PEAK3: variants seen among roughly 807,000 people sequenced by gnomAD.
The protein encoded by PEAK3 is PEAK family member 3.
PEAK3 carries 15 observed loss-of-function variants against 13.3 expected under a neutral mutation model. The ratio of observed to expected loss-of-function variants is 1.13; its 90% CI spans 0.75 to 1.73. The LOEUF (loss-of-function observed/expected upper bound fraction) is 1.73, where lower values mean the gene tolerates loss of function less well. PEAK3 is among the 40% of genes most tolerant of loss of function. The probability of loss-of-function intolerance (pLI) is 0.00; values close to 1 mark genes in which losing one functional copy is unlikely to be tolerated. For missense variants in PEAK3, 739 were observed against 690.2 expected, an observed-to-expected ratio of 1.07 and a Z score of -0.79; for synonymous variants, 347 against 341.9, an observed-to-expected ratio of 1.01 and a Z score of -0.17.
Position 2,275,713 on chromosome 19 carries a change from C to G in PEAK3, c.1389G>C (p.Ser463=), listed in dbSNP as rs1815326588. 5 of 1,541,010 alleles carry G rather than the reference C, an allele frequency of 3.2e-6. No homozygotes were observed. The highest frequency in any genetic ancestry group is 4.4e-6 in the Non-Finnish European group (5 of 1,144,474). The change falls in exon 4 of 4, where the codon TCG becomes TCC. Residue 463 remains serine (S), a synonymous_variant. Coordinates refer to ENST00000342063, the MANE Select transcript of PEAK3 (RefSeq NM_198532.3). ...CEYLAEATES[S]MGQALALLWD ...ACAGCAGCGCCAGGGCCTGGCCCAT[C>G]GAGGACTCGGTGGCCTCGGCCAGGT...
intron 2 of PEAK3, 24 bp downstream of exon 2, chr19:2,280,826 A>C (rs759932346): frequency 6.3e-7 from 1 of 1,594,936 alleles, no homozygotes; most frequent in Non-Finnish European, 8.5e-7. Flanking sequence ...CCCGCAGCCC[A>C]GGGCTCCCTG....
intron 3 of PEAK3, among the ~76,000 whole-genome samples, chr19:2,277,978 T>G (rs909649768): frequency 6.8e-6 from 1 of 146,972 alleles, no homozygotes; most frequent in Non-Finnish European, 1.5e-5. Context: ...ATTCTCCTGC[T>G]TCAGCCTCCC....
chr19:2,281,865 G>A (rs950478417), intron 1 of PEAK3, among the ~76,000 whole-genome samples: 6 of 152,206 alleles, frequency 3.9e-5, no homozygotes, highest in African/African-American at 1.4e-4. Flanking sequence ...CCCTCTGCAC[G>A]TTTGGGATGG....
At position 2,275,940 on chromosome 19, in the gene PEAK3, C is replaced by A. The variant is rs965828894; in HGVS notation, c.1162G>T (p.Ala388Ser). ...TGCAGCGCGCCCCGCGTCCGGGACG[C>A]CGAGGGCCGCAAGCGGGTCAGCTGT... ...AAQLTRLRPS[A>S]SRTRGALQAL... The change falls in exon 4 of 4, where the codon GCG (alanine) becomes TCG (serine). Residue 388 changes from alanine (A) to serine (S), a missense_variant. Transcript: ENST00000342063. 1 of 1,388,076 alleles carries A rather than the reference C, an allele frequency of 7.2e-7. No individual in the cohort carries two copies. Among genetic ancestry groups the A allele is most frequent in the Non-Finnish European group, 9.3e-7 (1 of 1,078,962 alleles). The allele number at this position is 1,388,076 out of a possible 1,614,324, so 86.0% of individuals were successfully genotyped here. A position where few individuals can be genotyped will look rare whatever the true frequency, so the allele number is the denominator to read the frequency against.
chr19:2,280,647 G>A (rs987799130), intron 2 of PEAK3, among the ~76,000 whole-genome samples: 5 of 152,094 alleles, frequency 3.3e-5, no homozygotes, highest in Non-Finnish European at 5.9e-5. Context: ...ACCACGCCCC[G>A]CCCACCAACC....
chr19:2,280,607 C>G (rs1252640098), intron 2 of PEAK3, among the ~76,000 whole-genome samples: 1 of 152,114 alleles, frequency 6.6e-6, no homozygotes, highest in Non-Finnish European at 1.5e-5. Context: ...GCCTCAGCCT[C>G]CCAAGGTGCT....
rs1424152242 is a variant in PEAK3 at position 2,278,934 on chromosome 19, T to G, written c.262A>C (p.Arg88=). The stretch of plus-strand genomic sequence containing the variant: ...ACACTGTGGGACCCCAGAAAGGGTC[T>G]CCGAGGCGGCTGTACTTGGATGGAG... ...PSSIQVQPPR[R]PFLGSHSVDK... Residue 88 remains arginine (R), a synonymous_variant, in exon 3 of 4, where the codon AGA becomes CGA. Coordinates refer to ENST00000342063, the MANE Select transcript of PEAK3 (RefSeq NM_198532.3). 2 of 1,607,262 alleles carry G rather than the reference T, an allele frequency of 1.2e-6. No homozygotes were observed. The highest frequency in any genetic ancestry group is 1.7e-6 in the Non-Finnish European group (2 of 1,177,010).
At chr19:2,281,285 G>A (rs2025436835) in intron 1 of PEAK3, among the ~76,000 whole-genome samples, 1 of 129,264 alleles carries the variant, frequency 7.7e-6, no homozygotes, top group Admixed American at 7.5e-5. Flanking sequence ...GCCCTGCTGT[G>A]TGATCCTGAG....
chr19:2,279,260 T>G, intron 2 of PEAK3, 147 bp from the exon 3 acceptor site: 2 of 629,082 alleles, frequency 3.2e-6, no homozygotes, highest in Non-Finnish European at 4.7e-6. Context: ...ATCCCAGCAC[T>G]TAGGAAGGTG....
At chr19:2,279,174 C>T in intron 2 of PEAK3, 61 bp from the exon 3 acceptor site, 1 of 1,296,518 alleles carries the variant, frequency 7.7e-7, no homozygotes, top group Non-Finnish European at 1.0e-6. Context: ...GGACACGTGA[C>T]TCCACCTCTC....
intron 3 of PEAK3, among the ~76,000 whole-genome samples, chr19:2,277,930 C>T (rs2025405122): frequency 6.7e-6 from 1 of 149,434 alleles, no homozygotes; most frequent in South Asian, 2.1e-4. Flanking sequence ...GTGGTGCGTT[C>T]TCGGCTCACC....
chr19:2,275,675 T>TG lies in PEAK3; in HGVS notation c.*4dup. The TG allele has an allele frequency of 6.8e-7, 1 of 1,461,316 alleles. No homozygotes were observed. Among genetic ancestry groups the TG allele is most frequent in the Non-Finnish European group, 9.1e-7 (1 of 1,101,986 alleles). The allele number at this position is 1,461,316 out of a possible 1,614,324, so 90.5% of individuals were successfully genotyped here. A position where few individuals can be genotyped will look rare whatever the true frequency, so the allele number is the denominator to read the frequency against. ...TGGACCAGGTGTGTTCGCCCTGGGT[T>TG]GGGGTCAGTCCCACAGCAGCGCCAG... On this transcript the variant is annotated 3_prime_UTR_variant, in exon 4 of 4. Transcript: ENST00000342063.
At position 2,275,025 on chromosome 19, in the gene PEAK3, AGTT is replaced by A. The variant is rs1203920783; in HGVS notation, c.*652_*654del. 1.3e-5 allele frequency: 2 copies of A among 150,724 alleles called. No individual in the cohort carries two copies. The highest frequency in any genetic ancestry group is 1.3e-4 in the Admixed American group (2 of 15,138). 9.3% of individuals were successfully genotyped at this position (150,724 alleles called of 1,614,324 possible). ...CACAAATGCTTGGGGGCGCGAAAGA[AGTT>A]GGTGTGTCACGGAGGAACAGGGAGG... On this transcript the variant is annotated 3_prime_UTR_variant, in exon 4 of 4. Coordinates refer to ENST00000342063, the MANE Select transcript of PEAK3 (RefSeq NM_198532.3).
rs1568406961 is a variant in PEAK3 at position 2,274,947 on chromosome 19, A to AAAAAAAG, written c.*726_*732dup. Reference sequence around the variant, plus strand: ...AGATCGTCTCAAAAAAAAAAAAAAAAAAAAAAGAAAAAGAAAGTGGAACTG... The same window carrying AAAAAAAG: ...AGATCGTCTCAAAAAAAAAAAAAAAAAAAAAAGAAAAAAGAAAAAGAAAGTGGAACTG... On this transcript the variant is annotated 3_prime_UTR_variant, in exon 4 of 4. Coordinates refer to ENST00000342063, the MANE Select transcript of PEAK3 (RefSeq NM_198532.3). 7.1e-6 allele frequency: 1 copy of AAAAAAAG among 141,182 alleles called. No individual in the cohort carries two copies. The highest frequency in any genetic ancestry group is 1.6e-5 in the Non-Finnish European group (1 of 63,270). 8.7% of individuals were successfully genotyped at this position (141,182 alleles called of 1,614,324 possible).
chr19:2,280,792 C>T (rs976191098), intron 2 of PEAK3, 58 bp downstream of exon 2: 4 of 1,380,356 alleles, frequency 2.9e-6, no homozygotes, highest in South Asian at 1.4e-5. Context: ...CCGCTCCCTG[C>T]ACCCCCCTGC....
At chr19:2,279,144 G>T in intron 2 of PEAK3, 31 bp from the exon 3 acceptor site, 1 of 1,401,172 alleles carries the variant, frequency 7.1e-7, no homozygotes, top group Non-Finnish European at 9.3e-7. Context: ...GGAGGGTTGA[G>T]GACAGGCGGA....
At chr19:2,279,602 A>G (rs2025422868) in intron 2 of PEAK3, among the ~76,000 whole-genome samples, 1 of 150,166 alleles carries the variant, frequency 6.7e-6, no homozygotes, top group African/African-American at 2.4e-5. Context: ...CTTGCAGTGA[A>G]CCGAGATTGT....
chr19:2,278,551 A>T lies in PEAK3; in HGVS notation c.612+33T>A. The T allele has an allele frequency of 2.1e-6, 3 of 1,431,496 alleles. No individual in the cohort carries two copies. In the South Asian group the frequency reaches 5.0e-5, roughly 24 times the overall value. The allele number at this position is 1,431,496 out of a possible 1,614,324, so 88.7% of individuals were successfully genotyped here. Reference sequence around the variant, plus strand: ...TTATGTCTAAGATGGGGCACTGGGGACACCTCAGAGAGGGTGGGGCTGTGG... The same window carrying T: ...TTATGTCTAAGATGGGGCACTGGGGTCACCTCAGAGAGGGTGGGGCTGTGG... On this transcript the variant is annotated intron_variant, in intron 3 of 3. Transcript: ENST00000342063.
chr19:2,280,179 C>G (rs1325699880), intron 2 of PEAK3, among the ~76,000 whole-genome samples: 1 of 149,564 alleles, frequency 6.7e-6, no homozygotes, highest in South Asian at 2.1e-4. Context: ...TCTCCTGCCT[C>G]AGCCTCCCGA....
Sources: gnomAD v4.1 joint callset for allele counts (sites outside exome capture counted in the v4.1 genomes callset) on GRCh38, gnomAD v4.1.1 for gene constraint, MANE v1.5 for transcripts, NCBI Gene and HGNC (gene_info 2026-07-23, HGNC 2026-07-21) for gene names.